The following HPS1 variants were observed in gnomAD, a reference collection of about 807,000 sequenced individuals.
The protein encoded by HPS1 is HPS1 biogenesis of lysosomal organelles complex 3 subunit 1, also known as BLOC-3 complex member HPS1.
HPS1 carries 59 observed loss-of-function variants against 90.6 expected under a neutral mutation model. The ratio of observed to expected loss-of-function variants is 0.65; its 90% CI spans 0.53 to 0.81. The LOEUF is 0.81. Among genes scored for constraint, HPS1 ranks in the 30% least tolerant of loss-of-function variants. The probability of loss-of-function intolerance (pLI) is 0.00; values close to 1 mark genes in which losing one functional copy is unlikely to be tolerated. For synonymous variants in HPS1, 388 were observed against 384.4 expected, an observed-to-expected ratio of 1.01 and a Z score of -0.11; for missense variants, 849 against 896.7, an observed-to-expected ratio of 0.95 and a Z score of 0.68.
intron 18 of HPS1, among the ~76,000 whole-genome samples, chr10:98,419,351 G>A (rs574178317): frequency 1.3e-5 from 2 of 152,230 alleles, no homozygotes; most frequent in East Asian, 1.9e-4. Context: ...CAAGCGAGAT[G>A]CAAATAAAAG....
Position 98,416,452 on chromosome 10 carries a change from C to A in HPS1, c.*1112G>T, listed in dbSNP as rs1371527292. On this transcript the variant is annotated 3_prime_UTR_variant, in exon 20 of 20. Transcript: ENST00000361490. ...TTAAGGAGGAACACAGATCCAGTCA[C>A]CTGAGGGGATACTTCCTCACTGCCA... 2 of 152,376 alleles carry A rather than the reference C, an allele frequency of 1.3e-5. No homozygotes were observed. Among genetic ancestry groups the A allele is most frequent in the Admixed American group, 6.5e-5 (1 of 15,280 alleles). 9.4% of individuals were successfully genotyped at this position (152,376 alleles called of 1,614,324 possible).
In HPS1 at chr10:98,417,596, G is replaced by A. The variant is rs1844259318; in HGVS notation, c.2071C>T (p.Leu691Phe). ...AGGGGGATACGGGAGGCCTCCCAGA[G>A]GCGCCGGGCCAGCTGGCCGGCCTGC... ...VQQAGQLARR[L>F]WEASRIPLL The change falls in exon 20 of 20, where the codon CTC (leucine) becomes TTC (phenylalanine). Residue 691 changes from leucine (L) to phenylalanine (F), a missense_variant. Coordinates refer to ENST00000361490, the MANE Select transcript of HPS1 (RefSeq NM_000195.5). The surrounding 1 kb of genome is among the most constrained non-coding windows in gnomAD (Gnocchi z 4.2). The A allele has an allele frequency of 1.2e-6, 2 of 1,612,126 alleles. No individual in the cohort carries two copies. Among genetic ancestry groups the A allele is most frequent in the African/African-American group, 1.3e-5 (1 of 75,038 alleles).
chr10:98,424,311 A>G lies in HPS1; in HGVS notation c.1397+2T>C. ...CCCCTTGTCCTGAGGCCCACCACTC[A>G]CTCCCAGGAGGATCCGGGCTCACTT... is the stretch of plus-strand genomic sequence containing the variant. On this transcript the variant is annotated splice_donor_variant, in intron 14 of 19. Transcript: ENST00000361490. LOFTEE classifies it high-confidence loss of function. 1 of 1,611,230 alleles carries G rather than the reference A, an allele frequency of 6.2e-7. No homozygotes were observed. The highest frequency in any genetic ancestry group is 8.5e-7 in the Non-Finnish European group (1 of 1,178,512).
chr10:98,428,153 C>G (rs561602578), intron 10 of HPS1, among the ~76,000 whole-genome samples: 1 of 152,322 alleles, frequency 6.6e-6, no homozygotes, highest in Admixed American at 6.5e-5. Context: ...GCTAGGAACC[C>G]TCACCCCAGG....
intron 13 of HPS1, among the ~76,000 whole-genome samples, chr10:98,424,679 C>T (rs544418839): frequency 2.8e-4 from 42 of 152,252 alleles, no homozygotes; most frequent in African/African-American, 9.6e-4. Flanking sequence ...GGGGGGCACA[C>T]ACAGGGCAGC....
intron 12 of HPS1, 47 bp downstream of exon 12, chr10:98,425,771 C>T (rs754940608): frequency 1.9e-6 from 3 of 1,598,672 alleles, no homozygotes; most frequent in Admixed American, 1.7e-5. Flanking sequence ...CTGGGGAAGA[C>T]GTGCCAACCC....
chr10:98,440,074 C>T (rs544389772), intron 3 of HPS1, among the ~76,000 whole-genome samples: 1 of 152,292 alleles, frequency 6.6e-6, no homozygotes, highest in Admixed American at 6.5e-5. Context: ...CCTCCACAGC[C>T]TTCTGAACTG....
At chr10:98,421,427 A>G (rs1211508168) in intron 17 of HPS1, among the ~76,000 whole-genome samples, 1 of 152,276 alleles carries the variant, frequency 6.6e-6, no homozygotes, top group Non-Finnish European at 1.5e-5. Flanking sequence ...AAATGGTTCA[A>G]TAAATTATGT....
At chr10:98,436,067 G>A (rs375170194) in intron 3 of HPS1, among the ~76,000 whole-genome samples, 99 of 152,314 alleles carry the variant, frequency 6.5e-4, no homozygotes, top group African/African-American at 2.2e-3. Context: ...AGCACTGAAC[G>A]GGGAGCTGGA....
At chr10:98,437,133 A>G (rs1847454641) in intron 3 of HPS1, among the ~76,000 whole-genome samples, 1 of 152,036 alleles carries the variant, frequency 6.6e-6, no homozygotes, top group African/African-American at 2.4e-5. Context: ...CTTATTTGCC[A>G]TCTGGTTCAC....
intron 17 of HPS1, among the ~76,000 whole-genome samples, chr10:98,422,052 C>T (rs1410892266): frequency 6.6e-6 from 1 of 151,922 alleles, no homozygotes; most frequent in African/African-American, 2.4e-5. Flanking sequence ...GGTCCTCCCC[C>T]TATCAAAAAT....
downstream of HPS1, chr10:98,414,607 G>A (rs868333543): frequency 6.2e-6 from 1 of 160,548 alleles, no homozygotes; most frequent in Non-Finnish European, 1.4e-5. Context: ...CACTGAGGGG[G>A]CGGGGTGCTG....
intron 17 of HPS1, among the ~76,000 whole-genome samples, chr10:98,420,934 A>C (rs1401763082): frequency 6.6e-6 from 1 of 152,176 alleles, no homozygotes; most frequent in Non-Finnish European, 1.5e-5. Flanking sequence ...GGGGAAGTCC[A>C]AATCAGAGTT....
chr10:98,414,971 G>A (rs373556641), downstream of HPS1: 43 of 1,585,744 alleles, frequency 2.7e-5, no homozygotes, highest in African/African-American at 6.7e-5. Flanking sequence ...CTGTCTTCCC[G>A]CCCCTCAGCT....
rs1219362508 is a variant in HPS1, at chr10:98,419,050, ATC to A, written c.1858-795_1858-794del. 5.3e-5 allele frequency among the ~76,000 whole-genome samples: 8 copies of A among 152,238 alleles called. No homozygotes were observed. In the East Asian group the frequency reaches 1.6e-3, roughly 30 times the overall value. On this transcript the variant is annotated intron_variant, in intron 18 of 19. Coordinates refer to ENST00000361490, the MANE Select transcript of HPS1 (RefSeq NM_000195.5). ...TCGGTGGCCCTGGCCATGGCGTCTGATCTCCGGATCATTGTGTCTCCATCCGT... is the reference window on the plus strand; with the variant it reads ...TCGGTGGCCCTGGCCATGGCGTCTGATCCGGATCATTGTGTCTCCATCCGT...
intron 5 of HPS1, among the ~76,000 whole-genome samples, chr10:98,434,665 C>G (rs1469006400): frequency 6.6e-6 from 1 of 152,048 alleles, no homozygotes; most frequent in Non-Finnish European, 1.5e-5. Flanking sequence ...CGCAGCTTCC[C>G]AATCCATCTT....
In HPS1 at chr10:98,417,788, G is replaced by C; in HGVS notation, c.1941-62C>G. Reference sequence around the variant, plus strand: ...GCTGTGGCACTCCTCCAGCGCCAGAGGCCTCTCTGGGCCCTCGCAAGCAAA... The same window carrying C: ...GCTGTGGCACTCCTCCAGCGCCAGACGCCTCTCTGGGCCCTCGCAAGCAAA... On this transcript the variant is annotated intron_variant, in intron 19 of 19. Transcript: ENST00000361490. This position sits in a 1 kb window ranked among gnomAD's most constrained non-coding sequence, Gnocchi z 4.2. 6.7e-7 allele frequency: 1 copy of C among 1,488,120 alleles called. No homozygotes were observed. The highest frequency in any genetic ancestry group is 9.4e-7 in the Non-Finnish European group (1 of 1,068,226). The allele number at this position is 1,488,120 out of a possible 1,614,324, so 92.2% of individuals were successfully genotyped here. A position where few individuals can be genotyped will look rare whatever the true frequency, so the allele number is the denominator to read the frequency against.
chr10:98,443,602 C>A (rs71486160), intron 2 of HPS1, among the ~76,000 whole-genome samples: 1 of 152,192 alleles, frequency 6.6e-6, no homozygotes, highest in Non-Finnish European at 1.5e-5. Context: ...GGAAGGGACC[C>A]AGGTCTTGGC....
intron 18 of HPS1, among the ~76,000 whole-genome samples, chr10:98,418,792 G>A (rs1844465039): frequency 6.6e-6 from 1 of 152,236 alleles, no homozygotes; most frequent in Admixed American, 6.5e-5. Flanking sequence ...CTGTGTGGCT[G>A]GCATTCAAAC....
Sources: allele counts gnomAD v4.1 joint callset (sites outside exome capture counted in the v4.1 genomes callset), GRCh38; gene constraint gnomAD v4.1.1; non-coding constraint Gnocchi (gnomAD v3.1); transcripts MANE v1.5; gene names NCBI Gene and HGNC (gene_info 2026-07-23, HGNC 2026-07-21).